Variants in IZUMO2 observed in about 807,000 individuals in gnomAD.
IZUMO2 encodes izumo sperm-egg fusion protein 2.
A neutral mutation model predicts 31.2 loss-of-function variants in IZUMO2; 24 were observed. The observed-to-expected ratio is 0.77, with a 90% confidence interval of 0.56 to 1.08. The LOEUF is 1.08. Among genes scored for constraint, IZUMO2 ranks in the 50% least tolerant of loss-of-function variants. The pLI, the probability that IZUMO2 is intolerant of heterozygous loss-of-function variation, is 0.00. For synonymous variants in IZUMO2, 144 were observed against 117.3 expected, an observed-to-expected ratio of 1.23 and a Z score of -1.47; for missense variants, 278 against 274.0, an observed-to-expected ratio of 1.01 and a Z score of -0.10.
intron 2 of IZUMO2, among the ~76,000 whole-genome samples, chr19:50,161,855 C>T (rs777711320): frequency 1.3e-5 from 2 of 152,140 alleles, no homozygotes. Flanking sequence ...TTTTATCGGG[C>T]AATAAAGGAT....
rs1346886330 is a variant in IZUMO2 at position 50,162,981 on chromosome 19, C to T, written c.214G>A (p.Val72Met). Residue 72 changes from valine (V) to methionine (M), a missense_variant, in exon 1 of 7, where the codon GTG (valine) becomes ATG (methionine). Val to Met is a conservative substitution (Grantham distance 21, BLOSUM62 1). Coordinates refer to ENST00000293405, the MANE Select transcript of IZUMO2 (RefSeq NM_152358.3). ...CACGCACCCACTTTCCCCACAAACA[C>T]GTTCAGCGCGTAGTCCCGGAAGAAA... ...GPFFRDYALN[V>M]FVGKVETNQL... is the part of the protein sequence containing the mutation. The T allele has an allele frequency of 6.2e-7, 1 of 1,613,078 alleles. No individual in the cohort carries two copies. Among genetic ancestry groups the T allele is most frequent in the Non-Finnish European group, 8.5e-7 (1 of 1,179,670 alleles).
chr19:50,153,468 T>C (rs1400104420), intron 6 of IZUMO2, among the ~76,000 whole-genome samples: 1 of 151,950 alleles, frequency 6.6e-6, no homozygotes, highest in African/African-American at 2.4e-5. Context: ...CAGTGAGAGG[T>C]AGCCTGCACG....
At chr19:50,155,068 T>G (rs1248069035) in intron 5 of IZUMO2, among the ~76,000 whole-genome samples, 2 of 151,922 alleles carry the variant, frequency 1.3e-5, no homozygotes, top group Non-Finnish European at 2.9e-5. Flanking sequence ...TGGGATGGGG[T>G]GGGGTGAGGA....
At chr19:50,157,933 A>G (rs1349197668) in intron 5 of IZUMO2, among the ~76,000 whole-genome samples, 1 of 151,054 alleles carries the variant, frequency 6.6e-6, no homozygotes, top group African/African-American at 2.4e-5. Flanking sequence ...AAAAGAATGT[A>G]TGTTTTTTAG....
intron 4 of IZUMO2, 80 bp downstream of exon 4, chr19:50,159,150 T>C: frequency 1.4e-6 from 2 of 1,414,358 alleles, no homozygotes; most frequent in Non-Finnish European, 9.9e-7. Context: ...TAAGGAGTGG[T>C]AGCCAGGCTT....
intron 4 of IZUMO2, 46 bp from the exon 5 acceptor site, chr19:50,158,394 G>C: frequency 7.8e-7 from 1 of 1,278,528 alleles, no homozygotes. Context: ...AGATATCAGA[G>C]GACCGGCAAG....
At chr19:50,161,457 G>A (rs1348084033) in intron 2 of IZUMO2, among the ~76,000 whole-genome samples, 4 of 152,010 alleles carry the variant, frequency 2.6e-5, no homozygotes, top group Admixed American at 6.6e-5. Context: ...TGTGCAATTC[G>A]TCAGCATGAC....
At chr19:50,156,760 AAAAAC>A (rs531551631) in intron 5 of IZUMO2, among the ~76,000 whole-genome samples, 2,712 of 152,256 alleles carry the variant, frequency 0.018, 71 homozygotes, top group African/African-American at 0.062. Context: ...ATCAGTCTAA[AAAAAC>A]AAAACAAAAC....
At chr19:50,156,572 CCTT>C (rs1311902338) in intron 5 of IZUMO2, among the ~76,000 whole-genome samples, 1 of 151,994 alleles carries the variant, frequency 6.6e-6, no homozygotes, top group African/African-American at 2.4e-5. Context: ...GGACACACTC[CCTT>C]CTTTTTCAAT....
intron 2 of IZUMO2, among the ~76,000 whole-genome samples, chr19:50,162,008 C>A (rs1013995820): frequency 6.6e-6 from 1 of 152,342 alleles, no homozygotes; most frequent in Non-Finnish European, 1.5e-5. Flanking sequence ...TTTGGCCAGG[C>A]ATGGTGGCTT....
At chr19:50,162,532 T>C (rs1470857363) in intron 2 of IZUMO2, among the ~76,000 whole-genome samples, 2 of 151,994 alleles carry the variant, frequency 1.3e-5, no homozygotes, top group African/African-American at 4.8e-5. Context: ...GCAGGATCGC[T>C]GGAGCCCTGG....
At position 50,163,017 on chromosome 19, in the gene IZUMO2, T is replaced by C. The variant is rs757770992; in HGVS notation, c.178A>G (p.Met60Val). ...QARAGAVLMG[M>V]EGPFFRDYAL... ...TAGTCCCGGAAGAAAGGCCCCTCCA[T>C]GCCCATCAGCACGGCCCCGGCGCGC... The change falls in exon 1 of 7, where the codon ATG (methionine) becomes GTG (valine). Residue 60 changes from methionine (M) to valine (V), a missense_variant. Transcript: ENST00000293405. 1.9e-6 allele frequency: 3 copies of C among 1,605,828 alleles called. No individual in the cohort carries two copies. Among genetic ancestry groups the C allele is most frequent in the Non-Finnish European group, 8.5e-7 (1 of 1,175,906 alleles).
chr19:50,152,825 T>C (rs2030073819), intron 6 of IZUMO2, among the ~76,000 whole-genome samples, 174 bp from the exon 7 acceptor site: 1 of 151,908 alleles, frequency 6.6e-6, no homozygotes, highest in African/African-American at 2.4e-5. Context: ...CAACCGGAGT[T>C]GGTGAGGAGA....
At chr19:50,155,347 G>T (rs564932396) in intron 5 of IZUMO2, among the ~76,000 whole-genome samples, 1 of 152,138 alleles carries the variant, frequency 6.6e-6, no homozygotes, top group Non-Finnish European at 1.5e-5. Context: ...GCCGTGAGCC[G>T]TGACTGTGCC....
intron 5 of IZUMO2, 139 bp downstream of exon 5, chr19:50,158,129 T>C (rs2030274903): frequency 2.1e-6 from 1 of 478,832 alleles, no homozygotes. Flanking sequence ...GAGCAACTTC[T>C]GGGCCACACT....
chr19:50,159,684 T>A, intron 2 of IZUMO2, 104 bp from the exon 3 acceptor site: 1 of 721,540 alleles, frequency 1.4e-6, no homozygotes. Context: ...TCTTCATTTA[T>A]AAAGGGTAAC....
chr19:50,158,377 C>A, intron 4 of IZUMO2, 29 bp from the exon 5 acceptor site: 1 of 1,471,992 alleles, frequency 6.8e-7, no homozygotes, highest in Non-Finnish European at 9.5e-7. Flanking sequence ...AGAAGTAAGA[C>A]AAGGGCAGAT....
intron 6 of IZUMO2, 116 bp from the exon 7 acceptor site, chr19:50,152,767 C>G: frequency 1.1e-6 from 1 of 887,576 alleles, no homozygotes; most frequent in South Asian, 1.4e-5. Flanking sequence ...TGATTTGGCT[C>G]ATCCAGTGAC....
intron 6 of IZUMO2, chr19:50,153,559 TG>T (rs1423112465): frequency 6.6e-6 from 1 of 152,094 alleles, no homozygotes. Context: ...CCCAGCACTT[TG>T]GGAGGATGAG....
Sources: allele counts gnomAD v4.1 joint callset (sites outside exome capture counted in the v4.1 genomes callset), GRCh38; gene constraint gnomAD v4.1.1; transcripts MANE v1.5; gene names NCBI Gene and HGNC (gene_info 2026-07-23, HGNC 2026-07-21).